ZNF251: variants seen among roughly 807,000 people sequenced by gnomAD.
The protein encoded by ZNF251 is zinc finger protein 251.
In ZNF251, 14 loss-of-function variants were observed where a neutral mutation model predicts 13.5. That is an observed-to-expected ratio of 1.04 (90% CI 0.69 to 1.63). ZNF251 has a LOEUF of 1.63. ZNF251 is among the 40% of genes most tolerant of loss of function. ZNF251 has a pLI of 0.00. For missense variants in ZNF251, 764 were observed against 834.9 expected (o/e 0.92, Z 1.05); for synonymous variants, 287 against 295.2 (o/e 0.97, Z 0.28).
At chr8:144,744,822 G>A (rs544478821) in intron 4 of ZNF251, among the ~76,000 whole-genome samples, 4 of 152,290 alleles carry the variant, frequency 2.6e-5, no homozygotes, top group South Asian at 4.1e-4. Flanking sequence ...TTGGGAAGCC[G>A]AGGCGGGCGG....
chr8:144,738,598 G>A (rs985527614), intron 4 of ZNF251: 5 of 985,452 alleles, frequency 5.1e-6, no homozygotes, highest in Non-Finnish European at 6.0e-6. Context: ...GCAGCCTCGT[G>A]ATGCAACATG....
rs191469656 is a variant in ZNF251, at chr8:144,733,567, C to T, written c.278-10185G>A. On this transcript the variant is annotated intron_variant, in intron 4 of 4. Transcript: ENST00000292562. ...CACAGCTGCTTGACTGGACGCAAAACCTGGACTGATAATGGAGCAGGAGCC... is the reference window on the plus strand; with the variant it reads ...CACAGCTGCTTGACTGGACGCAAAATCTGGACTGATAATGGAGCAGGAGCC... Among the ~76,000 whole-genome samples, 112 of 152,268 alleles carry T rather than the reference C, an allele frequency of 7.4e-4. 2 individuals carry two copies. Among genetic ancestry groups the T allele is most frequent in the Admixed American group, 6.5e-4 (10 of 15,290 alleles).
At chr8:144,748,874 T>C (rs553552067) in intron 4 of ZNF251, among the ~76,000 whole-genome samples, 3 of 152,312 alleles carry the variant, frequency 2.0e-5, no homozygotes, top group East Asian at 1.9e-4. Context: ...AGGTTCCTTA[T>C]AGAAAACACA....
chr8:144,753,613 C>T (rs1400172478), intron 4 of ZNF251, 70 bp downstream of exon 4: 13 of 1,278,116 alleles, frequency 1.0e-5, no homozygotes, highest in Non-Finnish European at 1.4e-5. Flanking sequence ...CCCCAGCTGT[C>T]CCTCGCTTGG....
chr8:144,729,405 C>T (rs1272156165), intron 4 of ZNF251, among the ~76,000 whole-genome samples: 4 of 149,822 alleles, frequency 2.7e-5, no homozygotes, highest in South Asian at 4.2e-4. Flanking sequence ...GGCGCAATCT[C>T]GGCTCACTGC....
chr8:144,753,647 G>C (rs1824808989), intron 4 of ZNF251, 36 bp downstream of exon 4: 2 of 1,516,646 alleles, frequency 1.3e-6, no homozygotes, highest in South Asian at 2.4e-5. Context: ...AGGATTGGGA[G>C]GCTGCTCCCA....
intron 4 of ZNF251, among the ~76,000 whole-genome samples, chr8:144,733,795 C>A (rs1021925346): frequency 8.6e-5 from 13 of 151,986 alleles, no homozygotes; most frequent in Admixed American, 8.5e-4. Context: ...CATCTTGTGT[C>A]TGATCACTGA....
At chr8:144,729,240 T>C (rs1823614871) in intron 4 of ZNF251, among the ~76,000 whole-genome samples, 1 of 151,872 alleles carries the variant, frequency 6.6e-6, no homozygotes, top group South Asian at 2.1e-4. Context: ...AAAAGAAAAA[T>C]TGGGATAAAA....
At chr8:144,746,610 C>G (rs112838865) in intron 4 of ZNF251, among the ~76,000 whole-genome samples, 6,261 of 152,246 alleles carry the variant, frequency 0.041, 227 homozygotes, top group African/African-American at 0.085. Flanking sequence ...GTGAACCCAT[C>G]TGAGCCCAGT....
At chr8:144,755,320 T>C (rs1824909947) in intron 1 of ZNF251, 85 bp downstream of exon 1, 3 of 1,280,058 alleles carry the variant, frequency 2.3e-6, no homozygotes, top group Non-Finnish European at 3.0e-6. Context: ...CCTCCTGGAC[T>C]GGCCGCCGCC....
At chr8:144,733,888 C>T (rs1352298139) in intron 4 of ZNF251, among the ~76,000 whole-genome samples, 5 of 152,228 alleles carry the variant, frequency 3.3e-5, no homozygotes, top group African/African-American at 7.2e-5. Flanking sequence ...TGGGAGGGAG[C>T]GCACCCATGC....
chr8:144,750,700 T>TA (rs1378638592), intron 4 of ZNF251, among the ~76,000 whole-genome samples: 1 of 151,638 alleles, frequency 6.6e-6, no homozygotes, highest in African/African-American at 2.4e-5. Context: ...CCCCCTGGAG[T>TA]TTTTTTTCAG....
chr8:144,745,689 G>A (rs1174057845), intron 4 of ZNF251, among the ~76,000 whole-genome samples: 1 of 151,976 alleles, frequency 6.6e-6, no homozygotes, highest in Non-Finnish European at 1.5e-5. Flanking sequence ...TGGGAATATA[G>A]GCACATGCCA....
intron 4 of ZNF251, among the ~76,000 whole-genome samples, chr8:144,752,393 T>C (rs1824739750): frequency 6.6e-6 from 1 of 152,072 alleles, no homozygotes; most frequent in Non-Finnish European, 1.5e-5. Context: ...ATAAGATAAC[T>C]AGGAAAACAC....
At chr8:144,725,099 C>T (rs1823480873) in intron 4 of ZNF251, among the ~76,000 whole-genome samples, 1 of 152,120 alleles carries the variant, frequency 6.6e-6, no homozygotes, top group African/African-American at 2.4e-5. Flanking sequence ...CCACAACCTC[C>T]ACCTCCTGGG....
intron 4 of ZNF251, among the ~76,000 whole-genome samples, chr8:144,732,096 C>G (rs925530711): frequency 2.6e-5 from 4 of 152,048 alleles, no homozygotes; most frequent in African/African-American, 9.7e-5. Context: ...GCATGTGCCA[C>G]CACGCCTGGC....
In ZNF251 at chr8:144,722,407, G is replaced by C. The variant is rs1275874438; in HGVS notation, c.1253C>G (p.Ser418Cys). 6.2e-7 allele frequency: 1 copy of C among 1,613,838 alleles called. No homozygotes were observed. The highest frequency in any genetic ancestry group is 8.5e-7 in the Non-Finnish European group (1 of 1,179,912). ...AATCCTTACGTGTTCAGTAAGATGAGAGTTAAAACCAAAGGCTCTGCCGCA... is the reference window on the plus strand; with the variant it reads ...AATCCTTACGTGTTCAGTAAGATGACAGTTAAAACCAAAGGCTCTGCCGCA... Reference protein sequence around the residue: ...NECGRAFGFNSHLTEHVRIHT... With the variant: ...NECGRAFGFNCHLTEHVRIHT... The change falls in exon 5 of 5, where the codon TCT becomes TGT. Residue 418 changes from serine (S) to cysteine (C), a missense_variant. Ser to Cys is a moderately radical substitution (Grantham distance 112). Transcript: ENST00000292562. This position sits in a 1 kb window ranked among gnomAD's most constrained non-coding sequence, Gnocchi z 4.8.
chr8:144,721,528 T>C lies in ZNF251; in HGVS notation c.*116A>G, dbSNP rs865976835. ...AATGACTTTGACTTTAGTAGTCATC[T>C]GAACTATTTATTTTACTTTGCCAGT... On this transcript the variant is annotated 3_prime_UTR_variant, in exon 5 of 5. Transcript: ENST00000292562. The C allele has an allele frequency of 2.8e-6, 3 of 1,065,824 alleles. No individual in the cohort carries two copies. Among genetic ancestry groups the C allele is most frequent in the Middle Eastern group, 3.4e-4 (1 of 2,960 alleles). The allele number at this position is 1,065,824 out of a possible 1,614,324, so 66.0% of individuals were successfully genotyped here.
chr8:144,747,784 G>T (rs1343655513), intron 4 of ZNF251, among the ~76,000 whole-genome samples: 2 of 152,134 alleles, frequency 1.3e-5, no homozygotes, highest in African/African-American at 4.8e-5. Flanking sequence ...GGCTAATTTT[G>T]TATTTTTAGT....
Sources: gnomAD v4.1 joint callset for allele counts (sites outside exome capture counted in the v4.1 genomes callset) on GRCh38, gnomAD v4.1.1 for gene constraint, Gnocchi (gnomAD v3.1) non-coding constraint, MANE v1.5 for transcripts, NCBI Gene and HGNC (gene_info 2026-07-23, HGNC 2026-07-21) for gene names.